STXBP5: variants seen among roughly 807,000 people sequenced by gnomAD.
STXBP5 encodes the protein syntaxin-binding protein 5.
STXBP5 carries 50 observed loss-of-function variants against 152.4 expected under a neutral mutation model. The observed-to-expected ratio is 0.33, with a 90% CI of 0.26 to 0.42. The LOEUF (loss-of-function observed/expected upper bound fraction) is 0.42, where lower values mean the gene tolerates loss of function less well. Among genes scored for constraint, STXBP5 ranks in the 10% least tolerant of loss-of-function variants. The probability of loss-of-function intolerance (pLI) is 1.00; values close to 1 mark genes in which losing one functional copy is unlikely to be tolerated. For synonymous variants in STXBP5, 492 were observed against 494.7 expected, an observed-to-expected ratio of 0.99 and a Z score of 0.07; for missense variants, 1,167 against 1,388.6, an observed-to-expected ratio of 0.84 and a Z score of 2.54.
intron 21 of STXBP5, among the ~76,000 whole-genome samples, chr6:147,342,116 G>A (rs910262253): frequency 3.9e-5 from 6 of 152,110 alleles, no homozygotes; most frequent in Non-Finnish European, 8.8e-5. Flanking sequence ...AATTCATGGT[G>A]TGATTAATAA....
At chr6:147,281,381 A>T (rs1780693469) in intron 8 of STXBP5, among the ~76,000 whole-genome samples, 2 of 152,170 alleles carry the variant, frequency 1.3e-5, no homozygotes, top group Admixed American at 1.3e-4. Flanking sequence ...TTTATACATT[A>T]AAGTACAAAA....
At chr6:147,218,782 T>G (rs1195835966) in intron 2 of STXBP5, among the ~76,000 whole-genome samples, 1 of 152,164 alleles carries the variant, frequency 6.6e-6, no homozygotes, top group Admixed American at 6.5e-5. Flanking sequence ...TGTGAATGAG[T>G]TTTGTATGTT....
Position 147,306,355 on chromosome 6 carries a change from G to A in STXBP5, c.918-3729G>A, listed in dbSNP as rs76191839. Among the ~76,000 whole-genome samples, 1,077 of 152,334 alleles carry A rather than the reference G, an allele frequency of 7.1e-3. 13 individuals carry two copies. Among genetic ancestry groups the A allele is most frequent in the African/African-American group, 0.025 (1,035 of 41,576 alleles). ...GTATACAGAAGGTAGCTAGGAACAT[G>A]GAGGGGGCCCCCAACTCTGCCAGGG... On this transcript the variant is annotated intron_variant, in intron 9 of 27. Coordinates refer to ENST00000321680, the MANE Select transcript of STXBP5 (RefSeq NM_001127715.4).
At chr6:147,274,882 AT>A (rs1780363354) in intron 7 of STXBP5, among the ~76,000 whole-genome samples, 1 of 152,118 alleles carries the variant, frequency 6.6e-6, no homozygotes, top group Admixed American at 6.5e-5. Flanking sequence ...ATTAATTAGT[AT>A]ATGTGTAATG....
intron 12 of STXBP5, 74 bp from the exon 13 acceptor site, chr6:147,314,190 C>CAT (rs1782522615): frequency 3.0e-6 from 4 of 1,349,234 alleles, no homozygotes; most frequent in Non-Finnish European, 4.2e-6. Flanking sequence ...TTTACACACA[C>CAT]ACACACACAC....
chr6:147,268,435 A>C (rs1406627795), intron 7 of STXBP5, among the ~76,000 whole-genome samples: 2 of 152,164 alleles, frequency 1.3e-5, no homozygotes, highest in Admixed American at 6.5e-5. Context: ...ATGTTCAGTT[A>C]CTGAGACATC....
Position 147,385,038 on chromosome 6 carries a change from A to G in STXBP5, c.*283A>G. 2.4e-6 allele frequency: 1 copy of G among 411,500 alleles called. No homozygotes were observed. Among genetic ancestry groups the G allele is most frequent in the Non-Finnish European group, 4.4e-6 (1 of 228,832 alleles). 25.5% of individuals were successfully genotyped at this position (411,500 alleles called of 1,614,324 possible). ...AGAAACCAAGGGGGCTGCTGAGGAG[A>G]CCTGGTGCAGGGACTAATCCTGGAT... On this transcript the variant is annotated 3_prime_UTR_variant, in exon 28 of 28. Transcript: ENST00000321680.
At chr6:147,205,549 C>T (rs1180360592) in intron 1 of STXBP5, among the ~76,000 whole-genome samples, 1 of 152,106 alleles carries the variant, frequency 6.6e-6, no homozygotes, top group Non-Finnish European at 1.5e-5. Context: ...TATATGACAG[C>T]TTTTCCTTAG....
intron 21 of STXBP5, among the ~76,000 whole-genome samples, chr6:147,343,387 C>G (rs1784177416): frequency 6.6e-6 from 1 of 152,040 alleles, no homozygotes; most frequent in African/African-American, 2.4e-5. Context: ...TTAAAGTGTT[C>G]CAATATAACT....
At chr6:147,268,486 C>A (rs2115375324) in intron 7 of STXBP5, among the ~76,000 whole-genome samples, 2 of 152,232 alleles carry the variant, frequency 1.3e-5, no homozygotes, top group Admixed American at 1.3e-4. Flanking sequence ...GAATACTTTG[C>A]ACATGTTTGT....
intron 4 of STXBP5, among the ~76,000 whole-genome samples, chr6:147,257,105 C>G (rs1779405807): frequency 6.6e-6 from 1 of 151,650 alleles, no homozygotes; most frequent in South Asian, 2.1e-4. Context: ...CTGTCATGTT[C>G]CCAGTAACAT....
chr6:147,230,026 C>A (rs1231844974), intron 2 of STXBP5, among the ~76,000 whole-genome samples: 1 of 151,674 alleles, frequency 6.6e-6, no homozygotes, highest in Non-Finnish European at 1.5e-5. Flanking sequence ...TGAGGAAATT[C>A]CCTTCTATTT....
intron 2 of STXBP5, among the ~76,000 whole-genome samples, chr6:147,222,377 G>GT (rs974794308): frequency 3.9e-5 from 6 of 152,100 alleles, no homozygotes; most frequent in African/African-American, 1.4e-4. Context: ...TGGTAATGGT[G>GT]TGGGGGGAAG....
chr6:147,324,333 C>G (rs1383278604), intron 16 of STXBP5, among the ~76,000 whole-genome samples: 2 of 118,614 alleles, frequency 1.7e-5, no homozygotes, highest in Non-Finnish European at 3.2e-5. Flanking sequence ...AGTACAATGG[C>G]GCGATCTCGG....
At chr6:147,339,419 C>A in intron 21 of STXBP5, 35 bp downstream of exon 21, 2 of 1,444,384 alleles carry the variant, frequency 1.4e-6, no homozygotes, top group Non-Finnish European at 1.8e-6. Context: ...GTTTCTAATC[C>A]TTGCTATATG....
intron 8 of STXBP5, among the ~76,000 whole-genome samples, chr6:147,280,314 T>C (rs1355972754): frequency 1.3e-5 from 2 of 152,228 alleles, no homozygotes; most frequent in African/African-American, 4.8e-5. Context: ...TTGGCAGGAG[T>C]ATCCCAAAAG....
At chr6:147,375,581 C>T (rs937780628) in intron 26 of STXBP5, among the ~76,000 whole-genome samples, 1 of 150,710 alleles carries the variant, frequency 6.6e-6, no homozygotes, top group African/African-American at 2.4e-5. Flanking sequence ...TAGACTTTCT[C>T]AAGAAGGAAA....
intron 4 of STXBP5, among the ~76,000 whole-genome samples, chr6:147,256,170 C>A (rs1779352878): frequency 6.6e-6 from 1 of 152,160 alleles, no homozygotes; most frequent in Non-Finnish European, 1.5e-5. Flanking sequence ...AGCTCATGAG[C>A]AGACTTGGAA....
chr6:147,323,555 G>C (rs1225391977), intron 16 of STXBP5, among the ~76,000 whole-genome samples: 11 of 151,746 alleles, frequency 7.2e-5, no homozygotes, highest in African/African-American at 2.7e-4. Context: ...CCACACCCGG[G>C]TAATTTTTGT....
Sources: allele counts gnomAD v4.1 joint callset (sites outside exome capture counted in the v4.1 genomes callset), GRCh38; gene constraint gnomAD v4.1.1; transcripts MANE v1.5; gene names NCBI Gene and HGNC (gene_info 2026-07-23, HGNC 2026-07-21).